The following SPIDR variants were observed in gnomAD, a reference collection of about 807,000 sequenced individuals.
The protein encoded by SPIDR is scaffold protein involved in DNA repair.
A neutral mutation model predicts 104.6 loss-of-function variants in SPIDR; 93 were observed. That is an observed-to-expected ratio of 0.89 (90% CI 0.75 to 1.06). The LOEUF is 1.06. Among genes scored for constraint, SPIDR ranks in the 50% least tolerant of loss-of-function variants. The pLI is 0.00. For missense variants in SPIDR, 1,154 were observed against 1,111.2 expected (o/e 1.04, Z -0.55); for synonymous variants, 431 against 416.9 (o/e 1.03, Z -0.41).
intron 7 of SPIDR, among the ~76,000 whole-genome samples, chr8:47,433,647 A>C (rs2067757392): frequency 6.6e-6 from 1 of 152,274 alleles, no homozygotes; most frequent in African/African-American, 2.4e-5. Context: ...TATTACAGTC[A>C]AATCATTTGA....
chr8:47,326,167 G>GTA (rs1440141886), intron 5 of SPIDR, among the ~76,000 whole-genome samples: 1 of 151,962 alleles, frequency 6.6e-6, no homozygotes, highest in Non-Finnish European at 1.5e-5. Context: ...GCTCGTTTCT[G>GTA]TATTTATTTA....
At chr8:47,402,598 T>A (rs1483921310) in intron 6 of SPIDR, among the ~76,000 whole-genome samples, 3 of 151,782 alleles carry the variant, frequency 2.0e-5, no homozygotes, top group Admixed American at 6.6e-5. Flanking sequence ...AACTAGAAAA[T>A]CTAGAAGAAA....
intron 8 of SPIDR, among the ~76,000 whole-genome samples, chr8:47,561,415 G>T (rs1277783404): frequency 6.6e-6 from 1 of 152,118 alleles, no homozygotes; most frequent in African/African-American, 2.4e-5. Flanking sequence ...GCTTCAGGAC[G>T]CCTCCCTCAA....
chr8:47,718,378 T>A (rs994946899), intron 16 of SPIDR, among the ~76,000 whole-genome samples: 9 of 152,234 alleles, frequency 5.9e-5, no homozygotes, highest in African/African-American at 2.2e-4. Context: ...GAAAATTATT[T>A]TTTTTTTCTG....
At chr8:47,598,916 G>A in intron 9 of SPIDR, 30 bp from the exon 10 acceptor site, 13 of 1,611,746 alleles carry the variant, frequency 8.1e-6, no homozygotes, top group East Asian at 2.2e-5. Context: ...TGTGAGTCTT[G>A]AAACTGTTCC....
chr8:47,381,186 G>C (rs2059286358), intron 5 of SPIDR, among the ~76,000 whole-genome samples: 1 of 152,098 alleles, frequency 6.6e-6, no homozygotes, highest in Non-Finnish European at 1.5e-5. Flanking sequence ...CCCTCCCTCT[G>C]TACCCATTGT....
At chr8:47,501,829 A>G (rs1023502325) in intron 8 of SPIDR, among the ~76,000 whole-genome samples, 7 of 152,104 alleles carry the variant, frequency 4.6e-5, no homozygotes, top group Non-Finnish European at 8.8e-5. Context: ...TCAATACCTA[A>G]TTTATTGAGA....
At chr8:47,392,715 C>T (rs1397825553) in intron 5 of SPIDR, among the ~76,000 whole-genome samples, 1 of 152,292 alleles carries the variant, frequency 6.6e-6, no homozygotes, top group South Asian at 2.1e-4. Context: ...ACTTAAGCAT[C>T]GTCGTACCAG....
At chr8:47,510,152 C>T (rs923644756) in intron 8 of SPIDR, among the ~76,000 whole-genome samples, 2 of 152,108 alleles carry the variant, frequency 1.3e-5, no homozygotes, top group South Asian at 4.1e-4. Context: ...AAAATTCTCA[C>T]CTCAGAAGTT....
At chr8:47,626,183 A>C (rs1001280552) in intron 10 of SPIDR, among the ~76,000 whole-genome samples, 5 of 152,246 alleles carry the variant, frequency 3.3e-5, no homozygotes, top group Non-Finnish European at 5.9e-5. Context: ...CTGGCTAGCC[A>C]TATGTAGAAA....
At chr8:47,633,899 C>A (rs2067465598) in intron 10 of SPIDR, among the ~76,000 whole-genome samples, 1 of 151,728 alleles carries the variant, frequency 6.6e-6, no homozygotes, top group East Asian at 2.0e-4. Context: ...TCAGAACCAG[C>A]CTGAGCAACA....
chr8:47,700,310 C>T, intron 11 of SPIDR, 93 bp from the exon 12 acceptor site: 1 of 1,253,092 alleles, frequency 8.0e-7, no homozygotes, highest in Non-Finnish European at 1.2e-6. Flanking sequence ...TGGCCTTAGG[C>T]ATTAGAGTCT....
chr8:47,371,422 A>G (rs2058008465), intron 5 of SPIDR, among the ~76,000 whole-genome samples: 2 of 152,072 alleles, frequency 1.3e-5, no homozygotes, highest in Non-Finnish European at 2.9e-5. Flanking sequence ...TAAACAACAG[A>G]AATTTCTCAG....
chr8:47,558,639 T>TG lies in SPIDR; in HGVS notation c.1098-37172_1098-37171insG, dbSNP rs386412679. Among the ~76,000 whole-genome samples, 4 of 150,786 alleles carry TG rather than the reference T, an allele frequency of 2.7e-5. No individual in the cohort carries two copies. In the East Asian group the frequency reaches 5.9e-4, roughly 22 times the overall value. The stretch of plus-strand genomic sequence containing the variant: ...ATAAGTATCTAGCTTCACCTTTTTT[T>TG]TTGTTTCTTTGTTTTTTTGAGAAGG... On this transcript the variant is annotated intron_variant, in intron 8 of 19. Coordinates refer to ENST00000297423, the MANE Select transcript of SPIDR (RefSeq NM_001080394.4).
intron 8 of SPIDR, among the ~76,000 whole-genome samples, chr8:47,513,902 G>A (rs1320861668): frequency 6.6e-6 from 1 of 152,080 alleles, no homozygotes; most frequent in Admixed American, 6.6e-5. Context: ...GGTTGTTTTT[G>A]CTATAGTCAC....
At chr8:47,262,348 G>C (rs2032672619) in intron 1 of SPIDR, among the ~76,000 whole-genome samples, 1 of 151,946 alleles carries the variant, frequency 6.6e-6, no homozygotes, top group African/African-American at 2.4e-5. Flanking sequence ...TTTTTTAGTA[G>C]TCGTACAGTT....
chr8:47,657,643 T>C (rs1251927467), intron 10 of SPIDR, among the ~76,000 whole-genome samples: 2 of 152,164 alleles, frequency 1.3e-5, no homozygotes. Flanking sequence ...TTTATACTAT[T>C]GGGGTAACTG....
In SPIDR at chr8:47,294,022, C is replaced by A. The variant is rs1235647982; in HGVS notation, c.517C>A (p.Leu173Ile). The A allele has an allele frequency of 1.2e-6, 2 of 1,613,084 alleles. No homozygotes were observed. Among genetic ancestry groups the A allele is most frequent in the Admixed American group, 3.3e-5 (2 of 59,814 alleles). Residue 173 changes from leucine (L) to isoleucine (I), a missense_variant, in exon 5 of 20, where the codon CTT becomes ATT. By Grantham distance (5) the Leu-to-Ile change is conservative. Transcript: ENST00000297423. ...GACAAGTGATGAGAAGCTGTCGGAG[C>A]TTCCCAAGGTAAGAATGAAGTATTT... ...SLTSDEKLSE[L>I]PKPSSIEILE...
chr8:47,579,030 C>T (rs2059435467), intron 8 of SPIDR, among the ~76,000 whole-genome samples: 1 of 152,128 alleles, frequency 6.6e-6, no homozygotes. Context: ...GAGTCATTTT[C>T]TAAGACTTGT....
Sources: allele counts gnomAD v4.1 joint callset (sites outside exome capture counted in the v4.1 genomes callset), GRCh38; gene constraint gnomAD v4.1.1; transcripts MANE v1.5; gene names NCBI Gene and HGNC (gene_info 2026-07-23, HGNC 2026-07-21).